Variants in LINGO2 observed in about 807,000 individuals in gnomAD.
LINGO2 encodes leucine rich repeat and Ig domain containing 2, also known as leucine-rich repeat and immunoglobulin-like domain-containing nogo receptor-interacting protein 2.
A neutral mutation model predicts 30.6 loss-of-function variants in LINGO2; 14 were observed. The ratio of observed to expected loss-of-function variants is 0.46; its 90% CI spans 0.30 to 0.72. The LOEUF (loss-of-function observed/expected upper bound fraction) is 0.72. Among genes scored for constraint, LINGO2 ranks in the 30% least tolerant of loss-of-function variants. LINGO2 has a pLI of 0.07. For synonymous variants in LINGO2, 317 were observed against 288.5 expected (o/e 1.10, Z -1.00); for missense variants, 729 against 751.7 (o/e 0.97, Z 0.35).
At chr9:28,320,619 A>G (rs1003892977) in intron 3 of LINGO2, among the ~76,000 whole-genome samples, 2 of 152,192 alleles carry the variant, frequency 1.3e-5, no homozygotes, top group Non-Finnish European at 2.9e-5. Flanking sequence ...AACTTTAGGC[A>G]CAGGACGCAG....
chr9:28,980,558 AT>A, the LINGO2 span, among the ~76,000 whole-genome samples: 16 of 151,976 alleles, frequency 1.1e-4, no homozygotes, highest in Admixed American at 2.6e-4. Flanking sequence ...ACATCAGTTT[AT>A]TTTATCTCAA....
chr9:28,828,817 T>A, the LINGO2 span, among the ~76,000 whole-genome samples: 1 of 152,126 alleles, frequency 6.6e-6, no homozygotes, highest in South Asian at 2.1e-4. Context: ...CAAGTACTAA[T>A]ACACAAGTTT....
chr9:28,727,489 CGT>C, the LINGO2 span, among the ~76,000 whole-genome samples: 1 of 152,090 alleles, frequency 6.6e-6, no homozygotes, highest in African/African-American at 2.4e-5. Flanking sequence ...GGGGTTTCAA[CGT>C]GTTAGCCAGG....
At chr9:28,231,651 A>G (rs765080342) in intron 4 of LINGO2, among the ~76,000 whole-genome samples, 22 of 152,140 alleles carry the variant, frequency 1.4e-4, no homozygotes, top group Non-Finnish European at 2.2e-4. Context: ...ATACTCCCAC[A>G]TAGTTATAGT....
At chr9:29,193,855 G>A in the LINGO2 span, among the ~76,000 whole-genome samples, 1 of 152,156 alleles carries the variant, frequency 6.6e-6, no homozygotes, top group African/African-American at 2.4e-5. Context: ...TCACTGCTAT[G>A]GGCCATGCAC....
chr9:27,949,395 T>C (rs767546427), exon 6 of LINGO2: 3 of 1,614,160 alleles, frequency 1.9e-6, no homozygotes, highest in South Asian at 1.1e-5. Flanking sequence ...CTGGACTGTC[T>C]GCCCTTCATC....
rs191673531 is a variant in LINGO2 at position 28,456,651 on chromosome 9, C to T, written c.-279+19289G>A. Reference sequence around the variant, plus strand: ...TGAACCAGTGCCATCTTTCTCTATCCCAGACTATGACCTTGAATGCCAGAT... The same window carrying T: ...TGAACCAGTGCCATCTTTCTCTATCTCAGACTATGACCTTGAATGCCAGAT... On this transcript the variant is annotated intron_variant, in intron 2 of 5. Transcript: ENST00000379992. 2.7e-3 allele frequency among the ~76,000 whole-genome samples: 409 copies of T among 152,194 alleles called. 6 individuals are homozygous for T. Among genetic ancestry groups the T allele is most frequent in the Non-Finnish European group, 1.5e-3 (100 of 67,998 alleles).
chr9:29,142,613 T>G, the LINGO2 span, among the ~76,000 whole-genome samples: 36,196 of 151,600 alleles, frequency 0.24, 4,499 homozygotes, highest in East Asian at 0.44. Flanking sequence ...AAGACACTAA[T>G]ATCAACAACT....
chr9:28,515,490 A>T (rs920387400), intron 1 of LINGO2, among the ~76,000 whole-genome samples: 3 of 152,144 alleles, frequency 2.0e-5, no homozygotes, highest in Admixed American at 2.0e-4. Context: ...ACAGGCGTGA[A>T]CCGCTGCGCC....
chr9:28,397,630 C>T (rs1431412313), intron 2 of LINGO2, among the ~76,000 whole-genome samples: 3 of 148,310 alleles, frequency 2.0e-5, no homozygotes, highest in Non-Finnish European at 4.4e-5. Flanking sequence ...TCACTGCAAG[C>T]TCCACCTCCC....
chr9:28,252,155 A>G (rs918751596), intron 4 of LINGO2, among the ~76,000 whole-genome samples: 6 of 152,210 alleles, frequency 3.9e-5, no homozygotes, highest in African/African-American at 1.4e-4. Flanking sequence ...TATGTTATGA[A>G]AGAATATTTG....
intron 2 of LINGO2, among the ~76,000 whole-genome samples, chr9:28,408,148 T>C (rs1381539301): frequency 1.3e-5 from 2 of 152,184 alleles, no homozygotes; most frequent in African/African-American, 2.4e-5. Context: ...TCTAGGTTCA[T>C]ATAGAGTCAG....
chr9:28,754,017 A>ACACACAC, the LINGO2 span, among the ~76,000 whole-genome samples: 3 of 146,024 alleles, frequency 2.1e-5, no homozygotes, highest in African/African-American at 7.6e-5. Context: ...CACACACACA[A>ACACACAC]ACACACACAC....
At chr9:28,983,283 A>G in the LINGO2 span, among the ~76,000 whole-genome samples, 1 of 151,058 alleles carries the variant, frequency 6.6e-6, no homozygotes, top group Admixed American at 6.7e-5. Context: ...CTTTTTCATA[A>G]AATGTGTGGT....
the LINGO2 span, among the ~76,000 whole-genome samples, chr9:28,886,408 C>G: frequency 6.6e-6 from 1 of 151,856 alleles, no homozygotes; most frequent in Non-Finnish European, 1.5e-5. Flanking sequence ...TTTGAAGAGC[C>G]AATTAAGTCA....
At chr9:28,125,122 T>G (rs1012327852) in intron 4 of LINGO2, among the ~76,000 whole-genome samples, 12 of 152,188 alleles carry the variant, frequency 7.9e-5, no homozygotes, top group African/African-American at 2.9e-4. Flanking sequence ...GAACATATAT[T>G]CTTCAGCAAA....
the LINGO2 span, among the ~76,000 whole-genome samples, chr9:29,004,510 A>G: frequency 6.6e-6 from 1 of 151,918 alleles, no homozygotes; most frequent in Non-Finnish European, 1.5e-5. Context: ...ATAGTCTACC[A>G]CATACATATA....
the LINGO2 span, among the ~76,000 whole-genome samples, chr9:29,079,118 T>C: frequency 2.0e-5 from 3 of 150,278 alleles, no homozygotes; most frequent in South Asian, 2.1e-4. Flanking sequence ...AATTTGGGTA[T>C]AGACAGAGGA....
the LINGO2 span, among the ~76,000 whole-genome samples, chr9:28,831,719 G>T: frequency 2.0e-5 from 3 of 152,070 alleles, no homozygotes; most frequent in Non-Finnish European, 4.4e-5. Context: ...TCAATACAGA[G>T]AAAAAAGAAA....
Sources: allele counts gnomAD v4.1 joint callset (sites outside exome capture counted in the v4.1 genomes callset), GRCh38; gene constraint gnomAD v4.1.1; transcripts MANE v1.5; gene names NCBI Gene and HGNC (gene_info 2026-07-23, HGNC 2026-07-21).